The following THAP4 variants were observed in gnomAD, a reference collection of about 807,000 sequenced individuals.
THAP4 encodes the protein peroxynitrite isomerase THAP4.
THAP4 carries 18 observed loss-of-function variants against 48.1 expected under a neutral mutation model. That is an observed-to-expected ratio of 0.37 (90% CI 0.26 to 0.56). THAP4 has a LOEUF of 0.56. Ranked by LOEUF, THAP4 falls within the 20% of genes least tolerant of loss-of-function variation. The probability of loss-of-function intolerance (pLI) is 0.78; values close to 1 mark genes in which losing one functional copy is unlikely to be tolerated. For missense variants in THAP4, 656 were observed against 774.9 expected (o/e 0.85, Z 1.82); for synonymous variants, 345 against 324.9 (o/e 1.06, Z -0.66).
intron 4 of THAP4, 87 bp downstream of exon 4, chr2:241,602,883 T>G: frequency 9.8e-7 from 1 of 1,015,936 alleles, no homozygotes; most frequent in Non-Finnish European, 1.5e-6. Flanking sequence ...TCAGCAGGGT[T>G]GCACATGGGC....
rs925124413 is a variant in THAP4 at position 241,584,486 on chromosome 2, C to T, written c.*120G>A. On this transcript the variant is annotated 3_prime_UTR_variant, in exon 6 of 6. Coordinates refer to ENST00000407315, the MANE Select transcript of THAP4 (RefSeq NM_015963.6). ...CCAGTACAGAAACATCTGGACAACA[C>T]TCTTGAGCCTGCAGAGGCTCACGGC... 2.8e-6 allele frequency: 3 copies of T among 1,088,448 alleles called. No homozygotes were observed. Among genetic ancestry groups the T allele is most frequent in the Non-Finnish European group, 4.1e-6 (3 of 733,006 alleles). The allele number at this position is 1,088,448 out of a possible 1,614,324, so 67.4% of individuals were successfully genotyped here.
intron 2 of THAP4, among the ~76,000 whole-genome samples, chr2:241,624,192 T>TA (rs2067467959): frequency 6.6e-6 from 1 of 152,176 alleles, no homozygotes; most frequent in Non-Finnish European, 1.5e-5. Context: ...AAGGATATTT[T>TA]AAAAGACACA....
chr2:241,593,976 C>T (rs866800577), intron 5 of THAP4, among the ~76,000 whole-genome samples: 2 of 152,150 alleles, frequency 1.3e-5, no homozygotes, highest in East Asian at 1.9e-4. Flanking sequence ...TGAGCCACCA[C>T]GCGAGGCACA....
intron 2 of THAP4, among the ~76,000 whole-genome samples, chr2:241,630,178 A>G (rs1381450748): frequency 3.3e-5 from 5 of 151,896 alleles, no homozygotes; most frequent in Admixed American, 2.0e-4. Context: ...TTAAATAACC[A>G]CAGGGTTAAA....
intron 5 of THAP4, among the ~76,000 whole-genome samples, chr2:241,597,937 A>G (rs2067068879): frequency 6.6e-6 from 1 of 152,106 alleles, no homozygotes; most frequent in South Asian, 2.1e-4. Flanking sequence ...TTAAATTAAT[A>G]AAACCCAAAT....
chr2:241,584,563 G>C lies in THAP4; in HGVS notation c.*43C>G. On this transcript the variant is annotated 3_prime_UTR_variant, in exon 6 of 6. Transcript: ENST00000407315. Reference sequence around the variant, plus strand: ...TCTGTTGAGGAGCCGAACCGTTGAGGCACAGTAGCCAGGCCCTCCCGAGGG... The same window carrying C: ...TCTGTTGAGGAGCCGAACCGTTGAGCCACAGTAGCCAGGCCCTCCCGAGGG... 1 of 1,612,570 alleles carries C rather than the reference G, an allele frequency of 6.2e-7. No homozygotes were observed. Among genetic ancestry groups the C allele is most frequent in the Non-Finnish European group, 8.5e-7 (1 of 1,178,846 alleles).
intron 5 of THAP4, among the ~76,000 whole-genome samples, chr2:241,593,002 G>A (rs929960308): frequency 2.6e-5 from 4 of 152,212 alleles, no homozygotes; most frequent in African/African-American, 9.7e-5. Context: ...CAGCACTTTG[G>A]GAAGCTGAGG....
At chr2:241,619,964 A>C (rs1344415998) in intron 2 of THAP4, among the ~76,000 whole-genome samples, 1 of 63,326 alleles carries the variant, frequency 1.6e-5, no homozygotes, top group Non-Finnish European at 3.0e-5. Flanking sequence ...GTGAGGGGTG[A>C]GGGGTGAGTG....
In THAP4 at chr2:241,616,674, G is replaced by C. The variant is rs1463024008; in HGVS notation, c.1241-10201C>G. 6.6e-6 allele frequency among the ~76,000 whole-genome samples: 1 copy of C among 152,184 alleles called. No homozygotes were observed. The highest frequency in any genetic ancestry group is 2.4e-5 in the African/African-American group (1 of 41,438). ...TTTTTAAAAAACTAGAGAATTCTAA[G>C]ATAGCTCTGAAATTCAGAAGAAACG... is the stretch of plus-strand genomic sequence containing the variant. On this transcript the variant is annotated intron_variant, in intron 2 of 5. Coordinates refer to ENST00000407315, the MANE Select transcript of THAP4 (RefSeq NM_015963.6). This position sits in a 1 kb window ranked among gnomAD's most constrained non-coding sequence, Gnocchi z 4.6.
chr2:241,602,954 G>A lies in THAP4; in HGVS notation c.1510+16C>T, dbSNP rs200719476. 1.2e-5 allele frequency: 20 copies of A among 1,603,392 alleles called. No homozygotes were observed. The highest frequency in any genetic ancestry group is 1.7e-4 in the Middle Eastern group (1 of 6,042). ...CTCCCATGGCCAGCCCTCCCGCCCC[G>A]CAAGCTGGGCCTCACCTGTGTTCTG... On this transcript the variant is annotated intron_variant, in intron 4 of 5. Transcript: ENST00000407315.
chr2:241,612,592 A>C lies in THAP4; in HGVS notation c.1241-6119T>G, dbSNP rs1272721491. On this transcript the variant is annotated intron_variant, in intron 2 of 5. Transcript: ENST00000407315. This position sits in a 1 kb window ranked among gnomAD's most constrained non-coding sequence, Gnocchi z 4.1. The stretch of plus-strand genomic sequence containing the variant: ...GACAATGGAATGTTATTTGGCCATA[A>C]AAATGAAGCACTAATATAAGCTGCA... Among the ~76,000 whole-genome samples the C allele has an allele frequency of 4.6e-5, 7 of 152,246 alleles. No individual in the cohort carries two copies. The highest frequency in any genetic ancestry group is 1.2e-4 in the African/African-American group (5 of 41,476).
chr2:241,629,661 G>A lies in THAP4; in HGVS notation c.1240+3256C>T, dbSNP rs562209328. The stretch of plus-strand genomic sequence containing the variant: ...AGTTAAAAATATAACTATAAAATAA[G>A]ATGAAAAGGTTGAAAATAAGGAAAT... On this transcript the variant is annotated intron_variant, in intron 2 of 5. Coordinates refer to ENST00000407315, the MANE Select transcript of THAP4 (RefSeq NM_015963.6). 3.3e-4 allele frequency among the ~76,000 whole-genome samples: 50 copies of A among 151,878 alleles called. 1 individual carries two copies. The Middle Eastern group carries it at 0.01, about 31-fold the overall frequency.
In THAP4 at chr2:241,584,448, T is replaced by G; in HGVS notation, c.*158A>C. 1.4e-6 allele frequency: 1 copy of G among 709,996 alleles called. No individual in the cohort carries two copies. The highest frequency in any genetic ancestry group is 2.4e-6 in the Non-Finnish European group (1 of 423,988). 44.0% of individuals were successfully genotyped at this position (709,996 alleles called of 1,614,324 possible). ...GCCATAAAAATAAAGGCCTTTTATT[T>G]GGTTTTTCTATGCCAGTACAGAAAC... On this transcript the variant is annotated 3_prime_UTR_variant, in exon 6 of 6. Transcript: ENST00000407315.
At chr2:241,611,052 G>C (rs985369958) in intron 2 of THAP4, among the ~76,000 whole-genome samples, 9 of 152,186 alleles carry the variant, frequency 5.9e-5, no homozygotes, top group African/African-American at 2.2e-4. Context: ...ACTTGATTTT[G>C]AGGGAAAATA....
intron 2 of THAP4, among the ~76,000 whole-genome samples, chr2:241,611,260 T>C (rs1290487375): frequency 6.6e-6 from 1 of 152,134 alleles, no homozygotes; most frequent in Non-Finnish European, 1.5e-5. Context: ...GAGGCTCTTC[T>C]GGCCCCCGCT....
chr2:241,603,051 T>G lies in THAP4; in HGVS notation c.1429A>C (p.Lys477Gln). The G allele has an allele frequency of 6.2e-7, 1 of 1,614,048 alleles. No individual in the cohort carries two copies. The change falls in exon 4 of 6, where the codon AAG becomes CAG. Residue 477 changes from lysine to glutamine, a missense_variant. Lys to Gln is a moderately conservative substitution (Grantham distance 53, BLOSUM62 1). Coordinates refer to ENST00000407315, the MANE Select transcript of THAP4 (RefSeq NM_015963.6). Reference protein sequence around the residue: ...SFNSFHPDTRKPMHRECGFIR... With the variant: ...SFNSFHPDTRQPMHRECGFIR... The stretch of plus-strand genomic sequence containing the variant: ...AAGCCACACTCTCTGTGCATCGGCT[T>G]GCGCGTGTCCGGGTGGAAGGAGTTG...
chr2:241,622,149 C>T (rs955102070), intron 2 of THAP4, among the ~76,000 whole-genome samples: 1 of 152,210 alleles, frequency 6.6e-6, no homozygotes, highest in African/African-American at 2.4e-5. Flanking sequence ...GCGGGTGGAT[C>T]GCCTGAGGTC....
intron 2 of THAP4, among the ~76,000 whole-genome samples, chr2:241,621,308 A>G (rs2067426774): frequency 6.6e-6 from 1 of 152,186 alleles, no homozygotes; most frequent in Admixed American, 6.5e-5. Context: ...AGACTGTGCC[A>G]CTGCACTCCA....
At chr2:241,628,457 A>G (rs1239265493) in intron 2 of THAP4, among the ~76,000 whole-genome samples, 1 of 151,340 alleles carries the variant, frequency 6.6e-6, no homozygotes, top group Non-Finnish European at 1.5e-5. Flanking sequence ...TCCTCCCCAA[A>G]AGCCTCTCCC....
Sources: allele counts gnomAD v4.1 joint callset (sites outside exome capture counted in the v4.1 genomes callset), GRCh38; gene constraint gnomAD v4.1.1; non-coding constraint Gnocchi (gnomAD v3.1); transcripts MANE v1.5; gene names NCBI Gene and HGNC (gene_info 2026-07-23, HGNC 2026-07-21).